WDR49: variants seen among roughly 807,000 people sequenced by gnomAD.
WDR49 encodes the protein cilia- and flagella-associated protein 337.
A neutral mutation model predicts 119.5 loss-of-function variants in WDR49; 107 were observed. The observed-to-expected ratio is 0.90, with a 90% CI of 0.77 to 1.05. The LOEUF (loss-of-function observed/expected upper bound fraction) is 1.05, where lower values mean the gene tolerates loss of function less well. WDR49 is among the 50% of genes least tolerant of loss of function. WDR49 has a pLI of 0.00. For missense variants in WDR49, 1,240 were observed against 1,220.5 expected, an observed-to-expected ratio of 1.02 and a Z score of -0.24; for synonymous variants, 425 against 418.8, an observed-to-expected ratio of 1.01 and a Z score of -0.18.
intron 10 of WDR49, among the ~76,000 whole-genome samples, chr3:167,545,910 A>C (rs910268370): frequency 1.6e-4 from 23 of 148,276 alleles, no homozygotes; most frequent in African/African-American, 5.7e-4. Context: ...TTAATATATT[A>C]TTTTAATAAT....
chr3:167,601,713 A>T (rs986327451), intron 7 of WDR49, among the ~76,000 whole-genome samples: 2 of 152,292 alleles, frequency 1.3e-5, no homozygotes, highest in Admixed American at 6.5e-5. Context: ...TCTTCAGATT[A>T]ACTTCAATTT....
chr3:167,521,868 T>C (rs1752450144), intron 16 of WDR49, among the ~76,000 whole-genome samples: 1 of 152,016 alleles, frequency 6.6e-6, no homozygotes, highest in Admixed American at 6.6e-5. Context: ...CTTAAGGAAG[T>C]GATGTCTAAC....
intron 10 of WDR49, 83 bp from the exon 11 acceptor site, chr3:167,537,083 A>G: frequency 7.6e-7 from 1 of 1,313,516 alleles, no homozygotes; most frequent in Non-Finnish European, 9.9e-7. Context: ...GAATGATGTG[A>G]TCCAAGACTT....
At chr3:167,509,424 C>A (rs182072982) in intron 16 of WDR49, among the ~76,000 whole-genome samples, 28 of 152,218 alleles carry the variant, frequency 1.8e-4, no homozygotes, top group African/African-American at 5.5e-4. Flanking sequence ...ACTTTGAATA[C>A]CCCTTTAAAA....
intron 16 of WDR49, among the ~76,000 whole-genome samples, chr3:167,507,970 A>C: frequency 6.6e-6 from 1 of 152,226 alleles, no homozygotes; most frequent in South Asian, 2.1e-4. Context: ...TACCAGGCTT[A>C]AATAGAGTTT....
At chr3:167,588,506 T>C (rs1714932737) in intron 7 of WDR49, among the ~76,000 whole-genome samples, 1 of 152,058 alleles carries the variant, frequency 6.6e-6, no homozygotes, top group South Asian at 2.1e-4. Context: ...AGCTCAATTT[T>C]TAGCTCTATT....
chr3:167,547,031 G>C (rs1438415349), intron 10 of WDR49, among the ~76,000 whole-genome samples: 1 of 151,686 alleles, frequency 6.6e-6, no homozygotes, highest in Non-Finnish European at 1.5e-5. Context: ...TAAATTGTAT[G>C]TAAGAATTAT....
upstream of WDR49, among the ~76,000 whole-genome samples, chr3:167,655,253 C>A (rs1207252204): frequency 1.3e-5 from 2 of 152,164 alleles, no homozygotes; most frequent in African/African-American, 4.8e-5. Flanking sequence ...GAAACCGCCC[C>A]CTTGAGTCAA....
At chr3:167,566,499 T>TA (rs934751757) in intron 8 of WDR49, among the ~76,000 whole-genome samples, 14 of 152,204 alleles carry the variant, frequency 9.2e-5, no homozygotes, top group South Asian at 6.2e-4. Context: ...CTCATTTTTG[T>TA]AAAAAAAGCC....
At chr3:167,595,107 T>C (rs1205212004) in intron 7 of WDR49, among the ~76,000 whole-genome samples, 61 of 151,662 alleles carry the variant, frequency 4.0e-4, no homozygotes, top group Admixed American at 1.7e-3. Context: ...ATGAGTGAAC[T>C]CCCATTCACA....
intron 10 of WDR49, among the ~76,000 whole-genome samples, chr3:167,544,228 A>G (rs1712022454): frequency 6.6e-6 from 1 of 152,058 alleles, no homozygotes; most frequent in Non-Finnish European, 1.5e-5. Flanking sequence ...TATTGCAAAA[A>G]TGATCTTACT....
intron 9 of WDR49, 37 bp from the exon 10 acceptor site, chr3:167,554,835 A>G (rs1553865504): frequency 6.8e-7 from 1 of 1,466,594 alleles, no homozygotes; most frequent in South Asian, 1.2e-5. Context: ...TGAGACAGGA[A>G]GGTAAACTTT....
chr3:167,529,072 A>G lies in WDR49; in HGVS notation c.2386T>C (p.Leu796=), dbSNP rs111226412. The change falls in exon 14 of 19, where the codon TTG becomes CTG. Residue 796 remains leucine, a synonymous_variant. Transcript: ENST00000682715. The part of the protein sequence containing the change: ...YLTTGDLDGW[L]KIWNIEEYCL... Reference sequence around the variant, plus strand: ...TTTACCTCTATATTCCAGATTTTCAACCATCCATCAAGATCTCCTGTGGTA... The same window carrying G: ...TTTACCTCTATATTCCAGATTTTCAGCCATCCATCAAGATCTCCTGTGGTA... 23 of 1,584,040 alleles carry G rather than the reference A, an allele frequency of 1.5e-5. No individual in the cohort carries two copies. In the African/African-American group the frequency reaches 2.0e-4, roughly 14 times the overall value.
rs182470577 is a variant in WDR49 at position 167,547,143 on chromosome 3, A to C, written c.1823+7507T>G. ...TTCCATTCTGATTCTTATCCTAATA[A>C]TGGAAACCAATTGAGTCATACAGAG... On this transcript the variant is annotated intron_variant, in intron 10 of 18. Transcript: ENST00000682715. Among the ~76,000 whole-genome samples, 204 of 152,000 alleles carry C rather than the reference A, an allele frequency of 1.3e-3. 4 individuals carry two copies. In the East Asian group the frequency reaches 0.031, roughly 23 times the overall value.
intron 2 of WDR49, 53 bp from the exon 3 acceptor site, chr3:167,627,345 G>C: frequency 1.6e-6 from 2 of 1,216,726 alleles, no homozygotes; most frequent in Non-Finnish European, 2.1e-6. Flanking sequence ...ATCATCATAT[G>C]CATGAGAGAA....
At chr3:167,580,775 C>T (rs1434928294) in intron 7 of WDR49, among the ~76,000 whole-genome samples, 1 of 152,056 alleles carries the variant, frequency 6.6e-6, no homozygotes, top group Admixed American at 6.6e-5. Context: ...GCGTTCTCAC[C>T]TTCTTTTATA....
chr3:167,521,143 G>T (rs1752418696), intron 16 of WDR49, among the ~76,000 whole-genome samples: 1 of 151,934 alleles, frequency 6.6e-6, no homozygotes, highest in South Asian at 2.1e-4. Context: ...TTTCCTACAG[G>T]CCAAGCAGAA....
chr3:167,578,794 A>T (rs1393386232), intron 7 of WDR49, among the ~76,000 whole-genome samples: 1 of 152,140 alleles, frequency 6.6e-6, no homozygotes, highest in Non-Finnish European at 1.5e-5. Context: ...CCTCTCCATC[A>T]TGCTTTTCAC....
chr3:167,575,035 C>T, intron 8 of WDR49: 1 of 985,258 alleles, frequency 1.0e-6, no homozygotes, highest in South Asian at 4.7e-5. Flanking sequence ...AAAATCTCCA[C>T]TAGTCATTTC....
Sources: gnomAD v4.1 joint callset for allele counts (sites outside exome capture counted in the v4.1 genomes callset) on GRCh38, gnomAD v4.1.1 for gene constraint, MANE v1.5 for transcripts, NCBI Gene and HGNC (gene_info 2026-07-23, HGNC 2026-07-21) for gene names.